ADGRB3: variants seen among roughly 807,000 people sequenced by gnomAD.
ADGRB3 encodes brain-specific angiogenesis inhibitor 3.
A neutral mutation model predicts 193.4 loss-of-function variants in ADGRB3; 37 were observed. The observed-to-expected ratio is 0.19, with a 90% CI of 0.15 to 0.25. The LOEUF (loss-of-function observed/expected upper bound fraction) is 0.25, where lower values mean the gene tolerates loss of function less well. Ranked by LOEUF, ADGRB3 falls within the 10% of genes least tolerant of loss-of-function variation. The probability of loss-of-function intolerance (pLI) is 1.00; values close to 1 mark genes in which losing one functional copy is unlikely to be tolerated. For synonymous variants in ADGRB3, 690 were observed against 644.2 expected, an observed-to-expected ratio of 1.07 and a Z score of -1.08; for missense variants, 1,637 against 1,852.9, an observed-to-expected ratio of 0.88 and a Z score of 2.14.
intron 10 of ADGRB3, among the ~76,000 whole-genome samples, chr6:68,988,664 A>G (rs536315563): frequency 1.3e-5 from 2 of 152,294 alleles, no homozygotes; most frequent in Admixed American, 6.5e-5. Context: ...GGAAAAAGCT[A>G]TTGGAGTGTT....
At chr6:69,151,663 T>C (rs977380320) in intron 17 of ADGRB3, among the ~76,000 whole-genome samples, 6 of 152,208 alleles carry the variant, frequency 3.9e-5, no homozygotes, top group Non-Finnish European at 8.8e-5. Context: ...AGCTTCTATT[T>C]GGCCATTTTG....
At chr6:69,286,653 A>G (rs1053871035) in intron 20 of ADGRB3, among the ~76,000 whole-genome samples, 6 of 152,192 alleles carry the variant, frequency 3.9e-5, no homozygotes, top group Non-Finnish European at 8.8e-5. Flanking sequence ...TCAGGGAGAA[A>G]CTGTCTTGGA....
intron 3 of ADGRB3, among the ~76,000 whole-genome samples, chr6:68,817,264 T>C (rs1390698058): frequency 7.3e-6 from 1 of 136,766 alleles, no homozygotes. Context: ...CAATTCTGAA[T>C]TAATTAATAG....
chr6:69,179,328 T>C (rs1470675426), intron 17 of ADGRB3, among the ~76,000 whole-genome samples: 2 of 152,208 alleles, frequency 1.3e-5, no homozygotes, highest in Admixed American at 1.3e-4. Flanking sequence ...AGTTTTTGTA[T>C]TCTAAAAGCT....
At chr6:68,814,313 A>G (rs1767580907) in intron 3 of ADGRB3, among the ~76,000 whole-genome samples, 1 of 152,178 alleles carries the variant, frequency 6.6e-6, no homozygotes, top group South Asian at 2.1e-4. Context: ...GCCAGTGATG[A>G]TGAGCATCTT....
intron 3 of ADGRB3, among the ~76,000 whole-genome samples, chr6:68,776,547 C>G (rs571321555): frequency 4.3e-4 from 65 of 152,264 alleles, no homozygotes; most frequent in African/African-American, 1.5e-3. Flanking sequence ...AATGCAGACT[C>G]CCACTCTTAA....
At chr6:69,270,881 A>G (rs922113325) in intron 20 of ADGRB3, among the ~76,000 whole-genome samples, 11 of 152,194 alleles carry the variant, frequency 7.2e-5, no homozygotes, top group African/African-American at 2.7e-4. Flanking sequence ...ATATGTGACC[A>G]GCAATATTTT....
intron 20 of ADGRB3, among the ~76,000 whole-genome samples, chr6:69,253,143 A>G (rs1246460929): frequency 6.6e-6 from 1 of 151,964 alleles, no homozygotes; most frequent in Non-Finnish European, 1.5e-5. Context: ...TCTGTGATCT[A>G]TCTTTCCTTA....
At chr6:69,366,156 T>C (rs1198424585) in intron 29 of ADGRB3, among the ~76,000 whole-genome samples, 1 of 152,104 alleles carries the variant, frequency 6.6e-6, no homozygotes, top group Non-Finnish European at 1.5e-5. Flanking sequence ...CTCATGTAAG[T>C]CTGATGAAAG....
intron 20 of ADGRB3, among the ~76,000 whole-genome samples, chr6:69,279,119 A>C (rs1004678378): frequency 1.9e-5 from 2 of 105,732 alleles, no homozygotes; most frequent in Non-Finnish European, 3.7e-5. Flanking sequence ...ATATATATAT[A>C]TGCTCCTCAA....
intron 10 of ADGRB3, among the ~76,000 whole-genome samples, chr6:68,983,943 A>T (rs935977882): frequency 6.6e-6 from 1 of 152,220 alleles, no homozygotes; most frequent in Non-Finnish European, 1.5e-5. Flanking sequence ...AACGGTAGAG[A>T]GAATGACTAT....
Position 69,361,395 on chromosome 6 carries a change from G to T in ADGRB3, c.4122G>T (p.Gln1374His). The part of the protein sequence containing the change: ...EQHLAPQEHM[Q>H]NLPFEPRTAV... ...ATCTCGCACCCCAGGAACATATGCA[G>T]AATTTGCCCTTTGAACCTCGCACAG... The change falls in exon 29 of 32, where the codon CAG becomes CAT. Residue 1374 changes from glutamine to histidine, a missense_variant. Physicochemically the swap from Gln to His is conservative, Grantham distance 24 (BLOSUM62 0). This residue lies in a region of ADGRB3 where 368 missense variants were observed against 367.4 expected (regional missense o/e 1.00). Coordinates refer to ENST00000370598, the MANE Select transcript of ADGRB3 (RefSeq NM_001704.3). 1 of 1,612,980 alleles carries T rather than the reference G, an allele frequency of 6.2e-7. No homozygotes were observed. The highest frequency in any genetic ancestry group is 8.5e-7 in the Non-Finnish European group (1 of 1,179,230).
intron 23 of ADGRB3, among the ~76,000 whole-genome samples, chr6:69,330,922 T>C (rs1197002812): frequency 6.6e-6 from 1 of 152,192 alleles, no homozygotes; most frequent in African/African-American, 2.4e-5. Context: ...ATACATATGG[T>C]TATTACGTAT....
intron 3 of ADGRB3, among the ~76,000 whole-genome samples, chr6:68,697,834 C>A (rs1198205393): frequency 6.6e-6 from 1 of 151,858 alleles, no homozygotes; most frequent in African/African-American, 2.4e-5. Flanking sequence ...TTTAGAGGAA[C>A]TTGAGGTTGA....
intron 3 of ADGRB3, among the ~76,000 whole-genome samples, chr6:68,780,005 A>G (rs75254415): frequency 0.021 from 3,206 of 152,172 alleles, 56 homozygotes; most frequent in Middle Eastern, 0.058. Context: ...TTAATCAGAG[A>G]AAAGTATACA....
At chr6:68,639,677 G>A (rs1458125227) in intron 3 of ADGRB3, among the ~76,000 whole-genome samples, 1 of 152,182 alleles carries the variant, frequency 6.6e-6, no homozygotes, top group African/African-American at 2.4e-5. Context: ...ATTTTCAGGA[G>A]AAAGATGCAG....
At chr6:69,060,980 A>G (rs1285141847) in intron 15 of ADGRB3, among the ~76,000 whole-genome samples, 2 of 152,044 alleles carry the variant, frequency 1.3e-5, no homozygotes, top group African/African-American at 4.8e-5. Flanking sequence ...ACATGGAAGA[A>G]TAATTTGGCA....
At chr6:69,075,795 T>G (rs1307745023) in intron 16 of ADGRB3, among the ~76,000 whole-genome samples, 200 bp from the exon 17 acceptor site, 1 of 152,146 alleles carries the variant, frequency 6.6e-6, no homozygotes, top group Admixed American at 6.5e-5. Flanking sequence ...GATATTGTTT[T>G]CATAGAACTT....
intron 17 of ADGRB3, among the ~76,000 whole-genome samples, chr6:69,200,154 A>G (rs1765390104): frequency 6.6e-6 from 1 of 151,968 alleles, no homozygotes; most frequent in Non-Finnish European, 1.5e-5. Context: ...AGAAAACTCT[A>G]TTGGGTCTGA....
Sources: allele counts gnomAD v4.1 joint callset (sites outside exome capture counted in the v4.1 genomes callset), GRCh38; gene constraint gnomAD v4.1.1; regional missense constraint gnomAD v4.1.1; transcripts MANE v1.5; gene names NCBI Gene and HGNC (gene_info 2026-07-23, HGNC 2026-07-21).